OPHN1: variants seen among roughly 807,000 people sequenced by gnomAD.
The protein encoded by OPHN1 is oligophrenin 1.
OPHN1 carries 11 observed loss-of-function variants against 60.7 expected under a neutral mutation model. The observed-to-expected ratio is 0.18, with a 90% CI of 0.11 to 0.30. The LOEUF (loss-of-function observed/expected upper bound fraction) is 0.30, where lower values mean the gene tolerates loss of function less well. OPHN1 is among the 10% of genes least tolerant of loss of function. The pLI, the probability that OPHN1 is intolerant of heterozygous loss-of-function variation, is 1.00. For synonymous variants in OPHN1, 226 were observed against 222.6 expected, an observed-to-expected ratio of 1.02 and a Z score of -0.14; for missense variants, 449 against 611.0, an observed-to-expected ratio of 0.73 and a Z score of 2.80.
chrX:68,268,070 G>A (rs896121425), intron 5 of OPHN1, among the ~76,000 whole-genome samples: 1 of 111,598 alleles, frequency 9.0e-6, no homozygotes, highest in Non-Finnish European at 1.9e-5. Context: ...AAGTCCAGGA[G>A]CAGATGCATT....
intron 21 of OPHN1, among the ~76,000 whole-genome samples, chrX:68,054,183 A>G (rs1447621975): frequency 2.7e-5 from 3 of 110,759 alleles, no homozygotes; most frequent in African/African-American, 9.9e-5. Flanking sequence ...TGCTTACTAA[A>G]TGTCTGATGA....
chrX:68,133,161 G>A (rs1193925471), intron 15 of OPHN1: 1 of 730,536 alleles, frequency 1.4e-6, no homozygotes. Flanking sequence ...CTTAATCAGA[G>A]TGAAGCTTGT....
chrX:68,125,954 T>TATATATATATATATATATACATATAC (rs1262640434), intron 15 of OPHN1, among the ~76,000 whole-genome samples: 1 of 55,824 alleles, frequency 1.8e-5, no homozygotes, highest in Non-Finnish European at 3.5e-5. Flanking sequence ...TATATATATA[T>TATATATATATATATATATACATATAC]ATACATACAC....
chrX:68,165,280 A>C lies in OPHN1; in HGVS notation c.1276+27639T>G, dbSNP rs186726021. ...GCACAAGAGACTTAGTTTTTGGCCTATCTCAGCTTTCGACATGCCTTCCTC... is the reference window on the plus strand; with the variant it reads ...GCACAAGAGACTTAGTTTTTGGCCTCTCTCAGCTTTCGACATGCCTTCCTC... On this transcript the variant is annotated intron_variant, in intron 15 of 24. Coordinates refer to ENST00000355520, the MANE Select transcript of OPHN1 (RefSeq NM_002547.3). Among the ~76,000 whole-genome samples, 734 of 112,175 alleles carry C rather than the reference A, an allele frequency of 6.5e-3. 5 individuals carry two copies. The highest frequency in any genetic ancestry group is 0.023 in the African/African-American group (706 of 30,878).
rs775733116 is a variant in OPHN1 at position 68,415,970 on chromosome X, G to A, written c.154+16897C>T. Among the ~76,000 whole-genome samples the A allele has an allele frequency of 3.6e-4, 37 of 102,671 alleles. No individual in the cohort carries two copies. In the East Asian group the frequency reaches 0.01, roughly 29 times the overall value. The allele number at this position is 102,671 out of a possible 115,157, so 89.2% of individuals were successfully genotyped here. ...GTGGAGGTTGCAATGAGCTGAGATC[G>A]TGCCACTGCACTCCAGCCTGGGTGA... is the stretch of plus-strand genomic sequence containing the variant. On this transcript the variant is annotated intron_variant, in intron 2 of 24. Coordinates refer to ENST00000355520, the MANE Select transcript of OPHN1 (RefSeq NM_002547.3).
chrX:68,385,764 TAAC>T (rs1204436843), intron 2 of OPHN1, among the ~76,000 whole-genome samples: 1 of 112,272 alleles, frequency 8.9e-6, no homozygotes, highest in Non-Finnish European at 1.9e-5. Context: ...AGATGTTTCT[TAAC>T]AACCATTTGC....
chrX:68,269,793 G>A (rs187108532), intron 5 of OPHN1, among the ~76,000 whole-genome samples: 79 of 111,753 alleles, frequency 7.1e-4, no homozygotes, highest in African/African-American at 2.4e-3. Context: ...CCATCAGAGC[G>A]AACAGGCAAC....
chrX:68,059,311 T>A (rs763819572), intron 21 of OPHN1, among the ~76,000 whole-genome samples: 95 of 111,366 alleles, frequency 8.5e-4, no homozygotes, highest in Non-Finnish European at 1.7e-3. Flanking sequence ...GTATTCAACC[T>A]TAGCAACTTT....
intron 15 of OPHN1, among the ~76,000 whole-genome samples, chrX:68,179,598 C>T (rs1017246637): frequency 9.0e-6 from 1 of 111,445 alleles, no homozygotes; most frequent in African/African-American, 3.3e-5. Flanking sequence ...ATCACTGTAT[C>T]CGGCTTTGAG....
intron 2 of OPHN1, among the ~76,000 whole-genome samples, chrX:68,350,466 T>TCCTCCCTCCCTC (rs2078403061): frequency 1.5e-5 from 1 of 68,624 alleles, no homozygotes; most frequent in African/African-American, 7.3e-5. Flanking sequence ...CTTCCTTCCT[T>TCCTCCCTCCCTC]CCTTCCTCCC....
Position 68,333,891 on chromosome X carries a change from A to AT in OPHN1, c.155-34796dup, listed in dbSNP as rs764898368. ...GGAAGTTTTCTCTAATTTCAAATGA[A>AT]TTTTTTTTTTTTTTTTTGGGTTGGG... is the stretch of plus-strand genomic sequence containing the variant. On this transcript the variant is annotated intron_variant, in intron 2 of 24. Transcript: ENST00000355520. 6.0e-3 allele frequency among the ~76,000 whole-genome samples: 521 copies of AT among 87,414 alleles called. 1 individual carries two copies. The highest frequency in any genetic ancestry group is 7.6e-3 in the Non-Finnish European group (362 of 47,471). 75.9% of individuals were successfully genotyped at this position (87,414 alleles called of 115,157 possible). A position where few individuals can be genotyped will look rare whatever the true frequency, so the allele number is the denominator to read the frequency against.
intron 15 of OPHN1, among the ~76,000 whole-genome samples, chrX:68,121,568 G>A (rs906414635): frequency 1.4e-4 from 15 of 110,454 alleles, no homozygotes; most frequent in African/African-American, 4.9e-4. Flanking sequence ...AGGCTAAAGT[G>A]CTCTGGATCC....
chrX:68,378,566 G>T (rs1374315681), intron 2 of OPHN1, among the ~76,000 whole-genome samples: 2 of 111,810 alleles, frequency 1.8e-5, no homozygotes, highest in Admixed American at 9.6e-5. Context: ...ACGGTTTTAG[G>T]TCTAATGTTT....
intron 19 of OPHN1, among the ~76,000 whole-genome samples, chrX:68,073,950 C>A (rs2076944573): frequency 8.9e-6 from 1 of 112,437 alleles, no homozygotes; most frequent in African/African-American, 3.2e-5. Context: ...TAAAAAGCAA[C>A]AACACAGTGC....
At chrX:68,134,494 G>A (rs144767551) in intron 15 of OPHN1, among the ~76,000 whole-genome samples, 246 of 111,797 alleles carry the variant, frequency 2.2e-3, no homozygotes, top group Non-Finnish European at 3.8e-3. Context: ...CTGCCTAAGC[G>A]TGTTAGAAAA....
chrX:68,243,828 CTAAAA>C (rs776462204), intron 5 of OPHN1, among the ~76,000 whole-genome samples: 1 of 112,215 alleles, frequency 8.9e-6, no homozygotes, highest in African/African-American at 3.2e-5. Flanking sequence ...TTCTTAATCT[CTAAAA>C]TAATCACAAA....
chrX:68,321,712 G>A (rs2078236263), intron 2 of OPHN1, among the ~76,000 whole-genome samples: 1 of 111,607 alleles, frequency 9.0e-6, no homozygotes, highest in African/African-American at 3.3e-5. Context: ...TGGATCACCT[G>A]AGGTCAGGAG....
At position 68,246,412 on chromosome X, in the gene OPHN1, G is replaced by A. The variant is rs140709443; in HGVS notation, c.385-11824C>T. Among the ~76,000 whole-genome samples, 674 of 111,680 alleles carry A rather than the reference G, an allele frequency of 6.0e-3. 6 individuals carry two copies. The highest frequency in any genetic ancestry group is 0.01 in the Non-Finnish European group (557 of 53,156). ...AAGGAGTGGGATAAAAAACCCAAAT[G>A]AAGAGATCATCTATGGGCAGGAGAA... On this transcript the variant is annotated intron_variant, in intron 5 of 24. Transcript: ENST00000355520.
At chrX:68,262,775 G>C (rs966600471) in intron 5 of OPHN1, among the ~76,000 whole-genome samples, 1 of 110,844 alleles carries the variant, frequency 9.0e-6, no homozygotes, top group Admixed American at 9.6e-5. Context: ...CAACAAGAGC[G>C]AAAGTCCGAC....
Sources: allele counts gnomAD v4.1 joint callset (sites outside exome capture counted in the v4.1 genomes callset), GRCh38; gene constraint gnomAD v4.1.1; transcripts MANE v1.5; gene names NCBI Gene and HGNC (gene_info 2026-07-23, HGNC 2026-07-21).